FMNL3: variants seen among roughly 807,000 people sequenced by gnomAD.
FMNL3 encodes formin like 3.
FMNL3 carries 57 observed loss-of-function variants against 119.6 expected under a neutral mutation model. The ratio of observed to expected loss-of-function variants is 0.48; its 90% CI spans 0.39 to 0.59. FMNL3 has a LOEUF of 0.59. Ranked by LOEUF, FMNL3 falls within the 20% of genes least tolerant of loss-of-function variation. FMNL3 has a pLI of 0.00. For missense variants in FMNL3, 1,053 were observed against 1,323.5 expected, an observed-to-expected ratio of 0.80 and a Z score of 3.17; for synonymous variants, 491 against 507.3, an observed-to-expected ratio of 0.97 and a Z score of 0.43.
Position 49,643,702 on chromosome 12 carries a change from C to T in FMNL3, c.*2113G>A, listed in dbSNP as rs114536874. On this transcript the variant is annotated 3_prime_UTR_variant, in exon 26 of 26. Transcript: ENST00000335154. ...TTTTCTATCTCTAGATCATGGCCTT[C>T]GGAAAGCCAAGAAACCAAAAAAGAA... 639 of 1,613,964 alleles carry T rather than the reference C, an allele frequency of 4.0e-4. 3 individuals carry two copies. The African/African-American group carries it at 7.6e-3, about 19-fold the overall frequency.
At chr12:49,692,676 A>G (rs1223613172) in intron 1 of FMNL3, among the ~76,000 whole-genome samples, 1 of 152,182 alleles carries the variant, frequency 6.6e-6, no homozygotes, top group Non-Finnish European at 1.5e-5. Flanking sequence ...ACAGCCATTT[A>G]TTGAGTGCCT....
chr12:49,654,334 C>T (rs761836829), intron 10 of FMNL3, 32 bp from the exon 11 acceptor site: 53 of 1,588,816 alleles, frequency 3.3e-5, no homozygotes, highest in Admixed American at 1.5e-4. Flanking sequence ...GAAGCAGCAA[C>T]AGGAAGGGCA....
intron 5 of FMNL3, among the ~76,000 whole-genome samples, chr12:49,660,220 T>C (rs1943692659): frequency 6.6e-6 from 1 of 152,170 alleles, no homozygotes; most frequent in Non-Finnish European, 1.5e-5. Context: ...AAAACACACA[T>C]TCTCTCCCCC....
intron 1 of FMNL3, among the ~76,000 whole-genome samples, chr12:49,696,601 C>G (rs1449032359): frequency 6.6e-6 from 1 of 152,222 alleles, no homozygotes; most frequent in Non-Finnish European, 1.5e-5. Flanking sequence ...GTTGAATCCA[C>G]AGATACAGAA....
chr12:49,689,461 C>G (rs886454703), intron 1 of FMNL3, among the ~76,000 whole-genome samples: 47 of 152,164 alleles, frequency 3.1e-4, no homozygotes, highest in African/African-American at 1.1e-3. Context: ...AGGCTAGGCA[C>G]GATGGCTCAT....
At chr12:49,700,648 G>C (rs1487099089) in intron 1 of FMNL3, among the ~76,000 whole-genome samples, 2 of 140,624 alleles carry the variant, frequency 1.4e-5, no homozygotes, top group African/African-American at 2.7e-5. Context: ...CCAGGAAGCA[G>C]AGGTTACAGT....
intron 1 of FMNL3, among the ~76,000 whole-genome samples, chr12:49,706,173 T>C (rs191138742): frequency 6.6e-6 from 1 of 152,230 alleles, no homozygotes; most frequent in African/African-American, 2.4e-5. Flanking sequence ...TTCCCGGTGA[T>C]ACCAGCTCAG....
chr12:49,649,378 T>C lies in FMNL3; in HGVS notation c.2305-39A>G, dbSNP rs1274128238. The C allele has an allele frequency of 6.2e-7, 1 of 1,613,582 alleles. No homozygotes were observed. Among genetic ancestry groups the C allele is most frequent in the South Asian group, 1.1e-5 (1 of 91,066 alleles). ...GTGTGGGAGGCAGGTCAGGCTCAGG[T>C]CCTGAAGGCTCCTTCTTCCTCTCTG... is the stretch of plus-strand genomic sequence containing the variant. On this transcript the variant is annotated intron_variant, in intron 19 of 25. Coordinates refer to ENST00000335154, the MANE Select transcript of FMNL3 (RefSeq NM_175736.5). The surrounding 1 kb of genome is among the most constrained non-coding windows in gnomAD (Gnocchi z 5.6).
Position 49,643,129 on chromosome 12 carries a change from G to C in FMNL3, c.*2686C>G. On this transcript the variant is annotated 3_prime_UTR_variant, in exon 26 of 26. Transcript: ENST00000335154. Reference sequence around the variant, plus strand: ...TGGAGGGAAGTTTGAGGATTCCTTTGGCCCTGGGTCCTCCTCCTCTCTCGA... The same window carrying C: ...TGGAGGGAAGTTTGAGGATTCCTTTCGCCCTGGGTCCTCCTCCTCTCTCGA... 1.3e-6 allele frequency: 2 copies of C among 1,585,820 alleles called. No homozygotes were observed. Among genetic ancestry groups the C allele is most frequent in the Non-Finnish European group, 1.7e-6 (2 of 1,158,078 alleles).
rs201769680 is a variant in FMNL3 at position 49,644,018 on chromosome 12, G to C, written c.*1797C>G. The stretch of plus-strand genomic sequence containing the variant: ...AAGAAGGAGAAGGTGAGGGGCAGGG[G>C]CCCTAGGCCAGTCAGCACGCTGGTC... On this transcript the variant is annotated 3_prime_UTR_variant, in exon 26 of 26. Transcript: ENST00000335154. The C allele has an allele frequency of 1.2e-6, 2 of 1,614,138 alleles. No individual in the cohort carries two copies. The highest frequency in any genetic ancestry group is 4.5e-5 in the East Asian group (2 of 44,888).
At chr12:49,658,833 A>G (rs1357294844) in intron 5 of FMNL3, among the ~76,000 whole-genome samples, 2 of 152,138 alleles carry the variant, frequency 1.3e-5, no homozygotes, top group Non-Finnish European at 2.9e-5. Flanking sequence ...GTCTAAGGAG[A>G]TGGGAAGCTG....
chr12:49,690,082 G>T (rs987148187), intron 1 of FMNL3, among the ~76,000 whole-genome samples: 2 of 152,150 alleles, frequency 1.3e-5, no homozygotes, highest in East Asian at 3.8e-4. Flanking sequence ...GCATGTGATT[G>T]GGCAAGACAA....
intron 1 of FMNL3, among the ~76,000 whole-genome samples, chr12:49,682,949 C>G (rs1944373101): frequency 6.6e-6 from 1 of 152,150 alleles, no homozygotes; most frequent in Admixed American, 6.5e-5. Context: ...GTTTTGTTAT[C>G]TGTGGAGAGA....
intron 1 of FMNL3, among the ~76,000 whole-genome samples, chr12:49,671,085 C>A (rs1944032937): frequency 6.6e-6 from 1 of 152,268 alleles, no homozygotes; most frequent in African/African-American, 2.4e-5. Context: ...CCTGTCACTG[C>A]TGTGGCAGAC....
chr12:49,680,473 C>T (rs1203203725), intron 1 of FMNL3, among the ~76,000 whole-genome samples: 2 of 152,188 alleles, frequency 1.3e-5, no homozygotes, highest in African/African-American at 4.8e-5. Flanking sequence ...TCATAATAAC[C>T]TCAGTCTGCT....
intron 4 of FMNL3, among the ~76,000 whole-genome samples, chr12:49,664,910 A>G (rs980682544): frequency 6.6e-6 from 1 of 152,112 alleles, no homozygotes; most frequent in African/African-American, 2.4e-5. Flanking sequence ...ACCCCCTGTC[A>G]GGAAGCCTGG....
In FMNL3 at chr12:49,691,169, A is replaced by G. The variant is rs184529878; in HGVS notation, c.126+15886T>C. The stretch of plus-strand genomic sequence containing the variant: ...TACCTGGACCTCAGTTTCCTCTTCT[A>G]TAAAATGGAGATAACAAGTACTTCA... On this transcript the variant is annotated intron_variant, in intron 1 of 25. Coordinates refer to ENST00000335154, the MANE Select transcript of FMNL3 (RefSeq NM_175736.5). 3.1e-3 allele frequency among the ~76,000 whole-genome samples: 469 copies of G among 152,364 alleles called. 1 individual carries two copies. Among genetic ancestry groups the G allele is most frequent in the Non-Finnish European group, 5.2e-3 (354 of 68,030 alleles).
At chr12:49,660,775 T>C (rs2138814636) in intron 5 of FMNL3, among the ~76,000 whole-genome samples, 1 of 152,292 alleles carries the variant, frequency 6.6e-6, no homozygotes, top group Admixed American at 6.5e-5. Flanking sequence ...CTGGGCAGCA[T>C]GGTGAAACCC....
chr12:49,698,000 C>T (rs1429178081), intron 1 of FMNL3, among the ~76,000 whole-genome samples: 1 of 152,188 alleles, frequency 6.6e-6, no homozygotes, highest in East Asian at 1.9e-4. Context: ...GGCTCCCCAG[C>T]TTCTGTGTAA....
Sources: gnomAD v4.1 joint callset for allele counts (sites outside exome capture counted in the v4.1 genomes callset) on GRCh38, gnomAD v4.1.1 for gene constraint, Gnocchi (gnomAD v3.1) non-coding constraint, MANE v1.5 for transcripts, NCBI Gene and HGNC (gene_info 2026-07-23, HGNC 2026-07-21) for gene names.